Variants in CLEC6A observed in about 807,000 individuals in gnomAD.
CLEC6A encodes the protein C-type lectin domain containing 6A, also known as C-type lectin domain family 6 member A.
Under a neutral mutation model 25.7 loss-of-function variants are expected in CLEC6A, and 22 were observed. That is an observed-to-expected ratio of 0.85 (90% CI 0.61 to 1.22). The LOEUF (loss-of-function observed/expected upper bound fraction) is 1.22, where lower values mean the gene tolerates loss of function less well. Among genes scored for constraint, CLEC6A ranks in the 50% most tolerant of loss-of-function variants. The probability of loss-of-function intolerance (pLI) is 0.00; values close to 1 mark genes in which losing one functional copy is unlikely to be tolerated. For missense variants in CLEC6A, 240 were observed against 236.8 expected (o/e 1.01, Z -0.09); for synonymous variants, 92 against 76.7 (o/e 1.20, Z -1.04).
At chr12:8,459,416 A>G (rs962270758) in intron 2 of CLEC6A, among the ~76,000 whole-genome samples, 181 bp from the exon 3 acceptor site, 7 of 152,080 alleles carry the variant, frequency 4.6e-5, no homozygotes, top group African/African-American at 7.2e-5. Context: ...TAAATGAGGG[A>G]TATATATAAA....
In CLEC6A at chr12:8,459,658, T is replaced by C; in HGVS notation, c.183T>C (p.His61=). 6.2e-7 allele frequency: 1 copy of C among 1,613,648 alleles called. No homozygotes were observed. Among genetic ancestry groups the C allele is most frequent in the Non-Finnish European group, 8.5e-7 (1 of 1,179,544 alleles). The part of the protein sequence containing the change: ...GKRLSELHSY[H]SSLTCFSEGT... Reference sequence around the variant, plus strand: ...GGCTGTCTGAACTACACTCATATCATTCAAGTCTCACCTGCTTCAGTGAAG... The same window carrying C: ...GGCTGTCTGAACTACACTCATATCACTCAAGTCTCACCTGCTTCAGTGAAG... Residue 61 remains histidine, a synonymous_variant, in exon 3 of 6, where the codon CAT becomes CAC. Transcript: ENST00000382073.
At chr12:8,475,126 T>C (rs1463031805) in intron 4 of CLEC6A, among the ~76,000 whole-genome samples, 1 of 152,070 alleles carries the variant, frequency 6.6e-6, no homozygotes, top group Non-Finnish European at 1.5e-5. Context: ...AGTGAGAACA[T>C]GTGGTGTTTG....
At chr12:8,466,859 G>A (rs1333612283) in intron 4 of CLEC6A, among the ~76,000 whole-genome samples, 1 of 151,976 alleles carries the variant, frequency 6.6e-6, no homozygotes, top group African/African-American at 2.4e-5. Flanking sequence ...TCACCATCTT[G>A]GTCAGGCTGG....
intron 4 of CLEC6A, among the ~76,000 whole-genome samples, chr12:8,467,681 A>G (rs1256478836): frequency 6.6e-6 from 1 of 152,196 alleles, no homozygotes; most frequent in African/African-American, 2.4e-5. Flanking sequence ...ATTTCTTGAT[A>G]TTCCATATGA....
intron 3 of CLEC6A, chr12:8,460,909 C>A: frequency 2.3e-6 from 2 of 857,174 alleles, no homozygotes; most frequent in Non-Finnish European, 4.0e-6. Flanking sequence ...TGCTCCAAAC[C>A]TTCAGTCTGT....
intron 3 of CLEC6A, among the ~76,000 whole-genome samples, chr12:8,463,153 C>A (rs1167228269): frequency 5.9e-5 from 9 of 152,162 alleles, no homozygotes; most frequent in Admixed American, 5.9e-4. Context: ...CTTTTCTCAT[C>A]TGTCAAAATA....
chr12:8,477,283 C>A, intron 5 of CLEC6A, 37 bp from the exon 6 acceptor site: 1 of 1,562,364 alleles, frequency 6.4e-7, no homozygotes, highest in South Asian at 1.2e-5. Context: ...ACCATGCATT[C>A]TTTGAAGATG....
At chr12:8,463,822 A>T (rs1939795115) in intron 3 of CLEC6A, among the ~76,000 whole-genome samples, 1 of 152,204 alleles carries the variant, frequency 6.6e-6, no homozygotes, top group Admixed American at 6.5e-5. Context: ...TCTCAGCATA[A>T]ATTGAGAAAA....
At chr12:8,469,734 T>C (rs1007673352) in intron 4 of CLEC6A, among the ~76,000 whole-genome samples, 1 of 152,110 alleles carries the variant, frequency 6.6e-6, no homozygotes, top group Non-Finnish European at 1.5e-5. Context: ...AAGCCACATG[T>C]AGAAGAATGA....
At position 8,456,127 on chromosome 12, in the gene CLEC6A, C is replaced by T. The variant is rs1939672705; in HGVS notation, c.16C>T (p.Gln6Ter). 5 of 1,613,768 alleles carry T rather than the reference C, an allele frequency of 3.1e-6. No individual in the cohort carries two copies. The highest frequency in any genetic ancestry group is 4.2e-6 in the Non-Finnish European group (5 of 1,179,848). ...AGCCTGCATAATGATGCAAGAGCAG[C>T]AACCTCAAAGTACAGGTGAGTATTT... MMQEQ[Q>*]PQSTEKRGWL... is the part of the protein sequence containing the mutation. The change falls in exon 1 of 6, where the codon CAA (glutamine) becomes TAA (stop). Residue 6 changes from glutamine to a stop codon, truncating the protein, a stop_gained. Transcript: ENST00000382073. LOFTEE classifies it high-confidence loss of function.
chr12:8,459,047 C>A (rs915455532), intron 2 of CLEC6A, among the ~76,000 whole-genome samples: 4 of 152,056 alleles, frequency 2.6e-5, no homozygotes, highest in African/African-American at 9.7e-5. Flanking sequence ...CTAGAATTAT[C>A]TAGAAAACAT....
intron 4 of CLEC6A, among the ~76,000 whole-genome samples, chr12:8,471,895 G>A (rs1467936340): frequency 6.6e-6 from 1 of 152,130 alleles, no homozygotes; most frequent in Non-Finnish European, 1.5e-5. Context: ...TCTGCTGACA[G>A]TTATAGGAGC....
At chr12:8,461,132 G>T (rs748918768) in intron 3 of CLEC6A, 2 of 1,583,750 alleles carry the variant, frequency 1.3e-6, no homozygotes, top group Non-Finnish European at 1.7e-6. Context: ...TGAAAGAGCC[G>T]TGGCCTTGGA....
intron 3 of CLEC6A, chr12:8,460,536 CA>C: frequency 1.4e-6 from 1 of 709,492 alleles, no homozygotes; most frequent in Admixed American, 2.4e-5. Context: ...TGGGTGGAGA[CA>C]GAGAACCAAA....
chr12:8,456,492 A>G (rs1312389354), intron 1 of CLEC6A, among the ~76,000 whole-genome samples: 1 of 152,246 alleles, frequency 6.6e-6, no homozygotes, highest in Non-Finnish European at 1.5e-5. Flanking sequence ...TACTCTTTCC[A>G]ATTACCCTAA....
At position 8,477,661 on chromosome 12, in the gene CLEC6A, A is replaced by C; in HGVS notation, c.*197A>C. ...TCTCGTTTCCTCTTTTCCATTAATG[A>C]TAGAATGCACCCTTCCTCTCTTTGT... On this transcript the variant is annotated 3_prime_UTR_variant, in exon 6 of 6. Coordinates refer to ENST00000382073, the MANE Select transcript of CLEC6A (RefSeq NM_001007033.2). 1 of 429,362 alleles carries C rather than the reference A, an allele frequency of 2.3e-6. No individual in the cohort carries two copies. Among genetic ancestry groups the C allele is most frequent in the South Asian group, 4.3e-5 (1 of 23,472 alleles). 26.6% of individuals were successfully genotyped at this position (429,362 alleles called of 1,614,324 possible). A position where few individuals can be genotyped will look rare whatever the true frequency, so the allele number is the denominator to read the frequency against.
chr12:8,477,285 T>C, intron 5 of CLEC6A, 35 bp from the exon 6 acceptor site: 1 of 1,568,458 alleles, frequency 6.4e-7, no homozygotes, highest in Non-Finnish European at 8.7e-7. Context: ...CATGCATTCT[T>C]TGAAGATGTG....
rs184731167 is a variant in CLEC6A at position 8,459,932 on chromosome 12, T to C, written c.223+234T>C. ...GCTTGGTAAATATTATAAACCTACA[T>C]GCATGTAATTTGCTCAGGCCAACCC... On this transcript the variant is annotated intron_variant, in intron 3 of 5. Transcript: ENST00000382073. Among the ~76,000 whole-genome samples, 52 of 152,336 alleles carry C rather than the reference T, an allele frequency of 3.4e-4. 1 individual carries two copies. Among genetic ancestry groups the C allele is most frequent in the East Asian group, 3.3e-3 (17 of 5,192 alleles).
At chr12:8,469,474 C>A (rs1366298936) in intron 4 of CLEC6A, among the ~76,000 whole-genome samples, 1 of 151,812 alleles carries the variant, frequency 6.6e-6, no homozygotes, top group Non-Finnish European at 1.5e-5. Context: ...TGCTGCATAG[C>A]CAAAGTAAGA....
Sources: allele counts gnomAD v4.1 joint callset (sites outside exome capture counted in the v4.1 genomes callset), GRCh38; gene constraint gnomAD v4.1.1; transcripts MANE v1.5; gene names NCBI Gene and HGNC (gene_info 2026-07-23, HGNC 2026-07-21).